The following PTPN5 variants were observed in gnomAD, a reference collection of about 807,000 sequenced individuals.
The protein encoded by PTPN5 is protein tyrosine phosphatase non-receptor type 5.
Under a neutral mutation model 73.9 loss-of-function variants are expected in PTPN5, and 29 were observed. The observed-to-expected ratio is 0.39, with a 90% CI of 0.29 to 0.54. PTPN5 has a LOEUF of 0.54. Ranked by LOEUF, PTPN5 falls within the 20% of genes least tolerant of loss-of-function variation. The probability of loss-of-function intolerance (pLI) is 0.65; values close to 1 mark genes in which losing one functional copy is unlikely to be tolerated. For missense variants in PTPN5, 652 were observed against 751.4 expected, an observed-to-expected ratio of 0.87 and a Z score of 1.55; for synonymous variants, 267 against 304.7, an observed-to-expected ratio of 0.88 and a Z score of 1.29.
At chr11:18,789,652 G>A (rs192767789) in intron 1 of PTPN5, among the ~76,000 whole-genome samples, 24 of 152,312 alleles carry the variant, frequency 1.6e-4, no homozygotes, top group Admixed American at 1.2e-3. Flanking sequence ...GGAAGTTCTC[G>A]ATGGAACTGG....
chr11:18,744,382 T>G, intron 3 of PTPN5, 183 bp from the exon 4 acceptor site: 1 of 443,582 alleles, frequency 2.3e-6, no homozygotes, highest in Non-Finnish European at 3.9e-6. Context: ...AAGAGCTAAG[T>G]GTGGGTGGAC....
At position 18,771,426 on chromosome 11, in the gene PTPN5, C is replaced by T. The variant is rs761917190; in HGVS notation, c.20+513G>A. ...CTCCCTGATCTCTCAGGAAGAACTG[C>T]GTCCTCCCACTTCTGGGCTCCCCCA... On this transcript the variant is annotated intron_variant, in intron 2 of 14. Coordinates refer to ENST00000358540, the MANE Select transcript of PTPN5 (RefSeq NM_006906.2). Among the ~76,000 whole-genome samples, 8 of 152,334 alleles carry T rather than the reference C, an allele frequency of 5.3e-5. No homozygotes were observed. In the Middle Eastern group the frequency reaches 0.01, roughly 194 times the overall value.
chr11:18,740,840 G>C (rs1265013141), intron 7 of PTPN5, 48 bp from the exon 8 acceptor site: 1 of 1,318,566 alleles, frequency 7.6e-7, no homozygotes. Context: ...CAGAGGGACG[G>C]GCATGAGCTG....
chr11:18,764,333 G>A (rs560960685), intron 3 of PTPN5, among the ~76,000 whole-genome samples: 1 of 152,112 alleles, frequency 6.6e-6, no homozygotes, highest in South Asian at 2.1e-4. Flanking sequence ...TGCCCCTTCC[G>A]CAAGACAGCC....
rs1213056935 is a variant in PTPN5 at position 18,729,610 on chromosome 11, A to T, written c.1491-44T>A. 1 of 1,563,102 alleles carries T rather than the reference A, an allele frequency of 6.4e-7. No individual in the cohort carries two copies. Among genetic ancestry groups the T allele is most frequent in the Non-Finnish European group, 8.7e-7 (1 of 1,150,722 alleles). ...GGTGGGGTGAGGGGCAGGGCAGCCC[A>T]GCGGGTGGGGGGCTGCCCCGCTCCA... On this transcript the variant is annotated intron_variant, in intron 13 of 14. Coordinates refer to ENST00000358540, the MANE Select transcript of PTPN5 (RefSeq NM_006906.2). This position sits in a 1 kb window ranked among gnomAD's most constrained non-coding sequence, Gnocchi z 5.2.
intron 2 of PTPN5, among the ~76,000 whole-genome samples, chr11:18,766,691 T>A (rs889683706): frequency 6.6e-6 from 1 of 151,812 alleles, no homozygotes; most frequent in Non-Finnish European, 1.5e-5. Flanking sequence ...ATCTTGAGAG[T>A]AGACATATCT....
At chr11:18,765,292 T>C (rs1387582218) in intron 3 of PTPN5, among the ~76,000 whole-genome samples, 2 of 152,046 alleles carry the variant, frequency 1.3e-5, no homozygotes, top group South Asian at 2.1e-4. Flanking sequence ...CAAGAGTGCC[T>C]TGGTAATATC....
At chr11:18,745,887 T>C (rs1027872549) in intron 3 of PTPN5, among the ~76,000 whole-genome samples, 6 of 151,992 alleles carry the variant, frequency 3.9e-5, no homozygotes, top group African/African-American at 1.5e-4. Context: ...GGCAGTCAGA[T>C]AGGCTTCAGG....
intron 3 of PTPN5, among the ~76,000 whole-genome samples, chr11:18,765,287 G>A (rs760998177): frequency 6.6e-6 from 1 of 152,088 alleles, no homozygotes; most frequent in South Asian, 2.1e-4. Context: ...GTGGGCAAGA[G>A]TGCCTTGGTA....
At chr11:18,789,387 G>A (rs761558376) in intron 1 of PTPN5, among the ~76,000 whole-genome samples, 2 of 152,120 alleles carry the variant, frequency 1.3e-5, no homozygotes, top group Non-Finnish European at 2.9e-5. Context: ...GAGAAATTGA[G>A]ACCCAAAAGG....
At chr11:18,756,285 C>T (rs1221408905) in intron 3 of PTPN5, among the ~76,000 whole-genome samples, 1 of 143,380 alleles carries the variant, frequency 7.0e-6, no homozygotes, top group Non-Finnish European at 1.5e-5. Context: ...TGGTCCCTTA[C>T]ATCCTTCACT....
intron 3 of PTPN5, among the ~76,000 whole-genome samples, chr11:18,764,948 G>A (rs915362572): frequency 2.6e-5 from 4 of 152,086 alleles, no homozygotes; most frequent in South Asian, 2.1e-4. Flanking sequence ...TCCTGACCTC[G>A]TGATCTGCCC....
intron 3 of PTPN5, among the ~76,000 whole-genome samples, chr11:18,759,921 T>C (rs1412009320): frequency 7.2e-6 from 1 of 139,608 alleles, no homozygotes; most frequent in African/African-American, 2.8e-5. Flanking sequence ...GGCTAGCAGA[T>C]CAGGGATGAG....
chr11:18,786,738 G>T (rs770546864), intron 1 of PTPN5, among the ~76,000 whole-genome samples: 1 of 152,282 alleles, frequency 6.6e-6, no homozygotes, highest in South Asian at 2.1e-4. Context: ...ATGTCACCTA[G>T]CCCCTCACAT....
intron 3 of PTPN5, among the ~76,000 whole-genome samples, chr11:18,756,907 G>C (rs540925539): frequency 7.5e-4 from 106 of 141,818 alleles, no homozygotes; most frequent in African/African-American, 2.6e-3. Flanking sequence ...CTGAGTGACA[G>C]AGCAAGACTC....
chr11:18,751,036 C>A (rs567248286), intron 3 of PTPN5, among the ~76,000 whole-genome samples: 1 of 152,100 alleles, frequency 6.6e-6, no homozygotes, highest in Non-Finnish European at 1.5e-5. Flanking sequence ...CTGAGAAGGG[C>A]GGAGTGGTGG....
At chr11:18,771,525 C>T (rs1211210397) in intron 2 of PTPN5, among the ~76,000 whole-genome samples, 2 of 152,198 alleles carry the variant, frequency 1.3e-5, no homozygotes, top group African/African-American at 4.8e-5. Flanking sequence ...GCACCTGCCT[C>T]TCCCACCAAC....
intron 3 of PTPN5, among the ~76,000 whole-genome samples, chr11:18,748,834 A>G (rs1406811491): frequency 6.6e-6 from 1 of 152,188 alleles, no homozygotes; most frequent in African/African-American, 2.4e-5. Flanking sequence ...AAAAGTATTT[A>G]CTGGGGGCCT....
chr11:18,782,423 T>G (rs1187840282), intron 1 of PTPN5, among the ~76,000 whole-genome samples: 1 of 152,142 alleles, frequency 6.6e-6, no homozygotes, highest in Admixed American at 6.5e-5. Context: ...AGATGGGATT[T>G]CACCATGTTG....
Sources: allele counts gnomAD v4.1 joint callset (sites outside exome capture counted in the v4.1 genomes callset), GRCh38; gene constraint gnomAD v4.1.1; non-coding constraint Gnocchi (gnomAD v3.1); transcripts MANE v1.5; gene names NCBI Gene and HGNC (gene_info 2026-07-23, HGNC 2026-07-21).